The following RABGAP1 variants were observed in gnomAD, a reference collection of about 807,000 sequenced individuals.
The protein encoded by RABGAP1 is rab GTPase-activating protein 1.
Under a neutral mutation model 137.6 loss-of-function variants are expected in RABGAP1, and 23 were observed. That is an observed-to-expected ratio of 0.17 (90% CI 0.12 to 0.24). The LOEUF (loss-of-function observed/expected upper bound fraction) is 0.24, where lower values mean the gene tolerates loss of function less well. Among genes scored for constraint, RABGAP1 ranks in the 10% least tolerant of loss-of-function variants. The pLI is 1.00. For missense variants in RABGAP1, 906 were observed against 1,275.8 expected (o/e 0.71, Z 4.42); for synonymous variants, 451 against 450.7 (o/e 1.00, Z -0.01).
chr9:123,093,519 G>A (rs577919641), intron 21 of RABGAP1, among the ~76,000 whole-genome samples: 2 of 152,248 alleles, frequency 1.3e-5, no homozygotes, highest in Non-Finnish European at 2.9e-5. Flanking sequence ...CCAGCAGGAT[G>A]TAAACTCTGC....
In RABGAP1 at chr9:123,044,363, G is replaced by A. The variant is rs2033103261; in HGVS notation, c.1795-20985G>A. On this transcript the variant is annotated intron_variant, in intron 13 of 25. Coordinates refer to ENST00000373647, the MANE Select transcript of RABGAP1 (RefSeq NM_012197.4). ...TATTTTACCTATGGTTCTTTACAAA[G>A]CCATTTCCTATTAATTGTCTCATTT... Among the ~76,000 whole-genome samples the A allele has an allele frequency of 3.9e-5, 6 of 152,174 alleles. No homozygotes were observed. In the South Asian group the frequency reaches 1.2e-3, roughly 31 times the overall value.
At chr9:123,033,235 T>C (rs116347840) in intron 13 of RABGAP1, among the ~76,000 whole-genome samples, 311 of 152,318 alleles carry the variant, frequency 2.0e-3, no homozygotes, top group African/African-American at 7.3e-3. Context: ...GAAGTTAACA[T>C]ACTTCCTTTC....
At chr9:123,089,571 G>A (rs547714766) in intron 19 of RABGAP1, 187 bp from the exon 20 acceptor site, 9 of 534,918 alleles carry the variant, frequency 1.7e-5, no homozygotes, top group East Asian at 5.8e-5. Context: ...AACTCTAAAC[G>A]CATTGAGAAT....
chr9:123,019,506 G>A (rs187217306), intron 12 of RABGAP1, among the ~76,000 whole-genome samples: 1 of 151,956 alleles, frequency 6.6e-6, no homozygotes, highest in African/African-American at 2.4e-5. Flanking sequence ...TAGACACGGG[G>A]TTCTTGCTAT....
intron 19 of RABGAP1, among the ~76,000 whole-genome samples, chr9:123,078,036 A>G (rs988277599): frequency 4.6e-5 from 7 of 152,180 alleles, no homozygotes; most frequent in South Asian, 2.1e-4. Flanking sequence ...TCAGGGGAGT[A>G]TGGAACTATG....
intron 13 of RABGAP1, among the ~76,000 whole-genome samples, chr9:123,023,711 A>G (rs1488184035): frequency 2.0e-5 from 3 of 152,198 alleles, no homozygotes; most frequent in East Asian, 3.8e-4. Context: ...TAAAACTGCT[A>G]TAAACATTCT....
At chr9:123,025,545 T>TTTTTTTTC (rs1426253446) in intron 13 of RABGAP1, among the ~76,000 whole-genome samples, 1 of 121,314 alleles carries the variant, frequency 8.2e-6, no homozygotes, top group African/African-American at 3.3e-5. Context: ...TTTCTTTTCT[T>TTTTTTTTC]TTTTTTTTTT....
At chr9:122,947,396 G>A (rs971881538) in intron 1 of RABGAP1, among the ~76,000 whole-genome samples, 15 of 152,148 alleles carry the variant, frequency 9.9e-5, no homozygotes, top group African/African-American at 3.6e-4. Context: ...TCCAAGGATA[G>A]ATGATGGTGA....
chr9:123,058,518 T>C (rs2033838699), intron 13 of RABGAP1, among the ~76,000 whole-genome samples: 1 of 148,724 alleles, frequency 6.7e-6, no homozygotes, highest in African/African-American at 2.5e-5. Context: ...AAAAAGGTTT[T>C]ATTATACTAA....
intron 25 of RABGAP1, among the ~76,000 whole-genome samples, chr9:123,102,668 G>C (rs2035377774): frequency 6.6e-6 from 1 of 152,140 alleles, no homozygotes; most frequent in Non-Finnish European, 1.5e-5. Context: ...AGGACCCTCA[G>C]GAGTTCTTTC....
intron 1 of RABGAP1, among the ~76,000 whole-genome samples, chr9:122,955,130 G>A (rs2052206): frequency 0.98 from 148,808 of 152,302 alleles, 72,800 homozygotes; most frequent in East Asian, 1. Flanking sequence ...AAAAGTGAGG[G>A]AACCACTTCA....
chr9:123,015,728 G>A, intron 12 of RABGAP1, 92 bp downstream of exon 12: 1 of 779,844 alleles, frequency 1.3e-6, no homozygotes, highest in South Asian at 1.9e-5. Flanking sequence ...GGAACCAGTA[G>A]TAGAAACCTA....
At chr9:123,026,340 A>T (rs997309937) in intron 13 of RABGAP1, among the ~76,000 whole-genome samples, 3 of 152,134 alleles carry the variant, frequency 2.0e-5, no homozygotes, top group African/African-American at 7.2e-5. Flanking sequence ...AATTGTGTTT[A>T]ATTTAAGTGG....
intron 19 of RABGAP1, 110 bp from the exon 20 acceptor site, chr9:123,089,648 A>G (rs1461567711): frequency 1.3e-6 from 1 of 793,338 alleles, no homozygotes; most frequent in East Asian, 2.7e-5. Context: ...TACCACATCC[A>G]TAATGACTGA....
intron 10 of RABGAP1, among the ~76,000 whole-genome samples, chr9:123,008,193 G>A (rs972422278): frequency 6.6e-6 from 1 of 152,094 alleles, no homozygotes; most frequent in African/African-American, 2.4e-5. Flanking sequence ...AAAAGGCAGC[G>A]TGTCCTTTGG....
At chr9:123,039,810 G>A (rs908968884) in intron 13 of RABGAP1, among the ~76,000 whole-genome samples, 1 of 152,150 alleles carries the variant, frequency 6.6e-6, no homozygotes, top group Admixed American at 6.5e-5. Context: ...AGGAACTATA[G>A]AAAGCCTTGA....
intron 13 of RABGAP1, among the ~76,000 whole-genome samples, chr9:123,030,148 A>T (rs1469187847): frequency 6.6e-6 from 1 of 152,204 alleles, no homozygotes; most frequent in Admixed American, 6.5e-5. Context: ...AGTATCGGTA[A>T]GTTCGTAATT....
intron 15 of RABGAP1, among the ~76,000 whole-genome samples, chr9:123,071,062 A>G (rs950063697): frequency 5.3e-5 from 8 of 152,186 alleles, no homozygotes; most frequent in South Asian, 2.1e-4. Context: ...AAACATCAAG[A>G]CTTCTAAATA....
rs574897714 is a variant in RABGAP1, at chr9:123,033,037, C to T, written c.1794+12578C>T. ...CAAATATGGGAACAGTGTAATTTAT[C>T]TGTGCTATTTGTGTAGTATTCAGAA... is the stretch of plus-strand genomic sequence containing the variant. On this transcript the variant is annotated intron_variant, in intron 13 of 25. Coordinates refer to ENST00000373647, the MANE Select transcript of RABGAP1 (RefSeq NM_012197.4). 7.2e-5 allele frequency among the ~76,000 whole-genome samples: 11 copies of T among 152,272 alleles called. 1 individual carries two copies. The South Asian group carries it at 2.3e-3, about 32-fold the overall frequency.
Sources: allele counts gnomAD v4.1 joint callset (sites outside exome capture counted in the v4.1 genomes callset), GRCh38; gene constraint gnomAD v4.1.1; transcripts MANE v1.5; gene names NCBI Gene and HGNC (gene_info 2026-07-23, HGNC 2026-07-21).